The following FMN1 variants were observed in gnomAD, a reference collection of about 807,000 sequenced individuals.
FMN1 encodes the protein formin-1.
Under a neutral mutation model 132.4 loss-of-function variants are expected in FMN1, and 110 were observed. That is an observed-to-expected ratio of 0.83 (90% CI 0.71 to 0.97). The LOEUF is 0.97. Among genes scored for constraint, FMN1 ranks in the 50% least tolerant of loss-of-function variants. The probability of loss-of-function intolerance (pLI) is 0.00; values close to 1 mark genes in which losing one functional copy is unlikely to be tolerated. For missense variants in FMN1, 1,792 were observed against 1,705.3 expected, an observed-to-expected ratio of 1.05 and a Z score of -0.90; for synonymous variants, 722 against 651.7, an observed-to-expected ratio of 1.11 and a Z score of -1.64.
chr15:33,059,996 A>G (rs766121952), intron 6 of FMN1, among the ~76,000 whole-genome samples: 10 of 152,222 alleles, frequency 6.6e-5, no homozygotes, highest in Non-Finnish European at 1.5e-4. Flanking sequence ...ACATATACTA[A>G]GTGGAAGCTT....
rs2060151629 is a variant in FMN1 at position 32,896,228 on chromosome 15, TTTAA to T, written c.3714+2602_3714+2605del. 2.0e-5 allele frequency among the ~76,000 whole-genome samples: 3 copies of T among 152,136 alleles called. No homozygotes were observed. The South Asian group carries it at 6.2e-4, about 32-fold the overall frequency. The stretch of plus-strand genomic sequence containing the variant: ...TGATGTTAGTCTATCATTCTACACT[TTTAA>T]TTATTATAGCTCTATAATATATTAG... On this transcript the variant is annotated intron_variant, in intron 15 of 20. Transcript: ENST00000616417.
chr15:33,133,187 C>G (rs1476613703), intron 4 of FMN1, among the ~76,000 whole-genome samples: 4 of 152,142 alleles, frequency 2.6e-5, no homozygotes, highest in African/African-American at 4.8e-5. Flanking sequence ...TCATGGGGAT[C>G]TTTAGGTTAT....
At chr15:33,110,863 T>A (rs1045873613) in intron 4 of FMN1, among the ~76,000 whole-genome samples, 1 of 152,118 alleles carries the variant, frequency 6.6e-6, no homozygotes, top group African/African-American at 2.4e-5. Flanking sequence ...TAAAACAATT[T>A]TTAATGTCTT....
intron 4 of FMN1, among the ~76,000 whole-genome samples, chr15:33,142,047 A>G (rs1319724546): frequency 3.3e-5 from 5 of 152,208 alleles, no homozygotes; most frequent in Non-Finnish European, 7.3e-5. Flanking sequence ...TAATTTTCAG[A>G]TATGTTTCCA....
chr15:33,091,661 G>T (rs911159938), intron 4 of FMN1, among the ~76,000 whole-genome samples: 2 of 152,084 alleles, frequency 1.3e-5, no homozygotes, highest in East Asian at 3.9e-4. Flanking sequence ...ACATTCTGAC[G>T]ACCACAATGT....
At position 32,774,392 on chromosome 15, in the gene FMN1, C is replaced by T. The variant is rs558202904; in HGVS notation, c.4216-38G>A. On this transcript the variant is annotated intron_variant, in intron 20 of 20. Coordinates refer to ENST00000616417, the MANE Select transcript of FMN1 (RefSeq NM_001277313.2). ...AAAAAATGAATGTATCATTTTCTTT[C>T]ATCTTTCTCAAGTTTTGATACATTT... 39 of 1,516,794 alleles carry T rather than the reference C, an allele frequency of 2.6e-5. No individual in the cohort carries two copies. In the East Asian group the frequency reaches 5.4e-4, roughly 21 times the overall value. 94.0% of individuals were successfully genotyped at this position (1,516,794 alleles called of 1,614,324 possible). A position where few individuals can be genotyped will look rare whatever the true frequency, so the allele number is the denominator to read the frequency against.
intron 10 of FMN1, among the ~76,000 whole-genome samples, chr15:32,920,845 C>T (rs986657223): frequency 3.9e-5 from 6 of 152,226 alleles, no homozygotes; most frequent in Non-Finnish European, 2.9e-5. Context: ...TACGTGGTCT[C>T]TTCTCTACAT....
At position 32,772,018 on chromosome 15, in the gene FMN1, G is replaced by A. The variant is rs952306294; in HGVS notation, c.*2292C>T. ...TCTTACAACACTAACATCATACATC[G>A]ACTAGTGTGACAAAACCACTAGGTT... On this transcript the variant is annotated 3_prime_UTR_variant, in exon 21 of 21. Transcript: ENST00000616417. The A allele has an allele frequency of 6.6e-6, 1 of 152,094 alleles. No homozygotes were observed. Among genetic ancestry groups the A allele is most frequent in the Non-Finnish European group, 1.5e-5 (1 of 68,030 alleles). The allele number at this position is 152,094 out of a possible 1,614,324, so 9.4% of individuals were successfully genotyped here.
chr15:32,777,365 A>C (rs1471008597), intron 19 of FMN1, among the ~76,000 whole-genome samples: 1 of 151,574 alleles, frequency 6.6e-6, no homozygotes, highest in Non-Finnish European at 1.5e-5. Flanking sequence ...AATGGGAAAA[A>C]AGATAACCTA....
chr15:33,181,430 T>C (rs756617733), intron 2 of FMN1, among the ~76,000 whole-genome samples: 1 of 152,160 alleles, frequency 6.6e-6, no homozygotes, highest in African/African-American at 2.4e-5. Context: ...GCCCACCATA[T>C]ACTCTTGACA....
intron 5 of FMN1, among the ~76,000 whole-genome samples, chr15:33,077,760 A>G (rs1356774201): frequency 6.7e-6 from 1 of 149,984 alleles, no homozygotes; most frequent in Admixed American, 6.8e-5. Context: ...AAGGGCTAAT[A>G]TCCAGAATCT....
At chr15:33,033,155 C>T (rs906783696) in intron 6 of FMN1, among the ~76,000 whole-genome samples, 5 of 152,084 alleles carry the variant, frequency 3.3e-5, no homozygotes, top group African/African-American at 1.2e-4. Flanking sequence ...CTCAGCCTCC[C>T]GAGTAGCTGG....
At chr15:33,076,957 A>G (rs1173875282) in intron 5 of FMN1, among the ~76,000 whole-genome samples, 1 of 152,230 alleles carries the variant, frequency 6.6e-6, no homozygotes, top group Non-Finnish European at 1.5e-5. Flanking sequence ...AGACATTTAA[A>G]AAGAAAACTG....
chr15:32,996,912 A>C (rs2033805160), intron 7 of FMN1, among the ~76,000 whole-genome samples: 1 of 152,152 alleles, frequency 6.6e-6, no homozygotes. Flanking sequence ...GTTGGGTATC[A>C]GGGACTATAC....
chr15:32,931,418 T>C (rs1302554028), intron 9 of FMN1, among the ~76,000 whole-genome samples: 1 of 152,250 alleles, frequency 6.6e-6, no homozygotes, highest in South Asian at 2.1e-4. Context: ...TTTTACCCTC[T>C]TCAGTTTATT....
At chr15:32,887,610 T>A (rs1480492987) in intron 16 of FMN1, among the ~76,000 whole-genome samples, 1 of 152,232 alleles carries the variant, frequency 6.6e-6, no homozygotes, top group Non-Finnish European at 1.5e-5. Flanking sequence ...GGAACATGTG[T>A]GTATGTGTAC....
chr15:33,024,089 A>G (rs2035550649), intron 6 of FMN1, among the ~76,000 whole-genome samples: 2 of 152,172 alleles, frequency 1.3e-5, no homozygotes, highest in Non-Finnish European at 2.9e-5. Flanking sequence ...AAAATGAACA[A>G]AAGGACAGTA....
At chr15:32,789,201 G>A (rs896332226) in intron 19 of FMN1, among the ~76,000 whole-genome samples, 2 of 152,072 alleles carry the variant, frequency 1.3e-5, no homozygotes, top group African/African-American at 2.4e-5. Context: ...TCTTCTAGGG[G>A]CCTATGATTT....
At chr15:32,935,461 C>T (rs1323549457) in intron 9 of FMN1, among the ~76,000 whole-genome samples, 2 of 152,034 alleles carry the variant, frequency 1.3e-5, no homozygotes, top group African/African-American at 2.4e-5. Context: ...TTCTTGTAAT[C>T]GGGATCCATC....
Sources: gnomAD v4.1 joint callset for allele counts (sites outside exome capture counted in the v4.1 genomes callset) on GRCh38, gnomAD v4.1.1 for gene constraint, MANE v1.5 for transcripts, NCBI Gene and HGNC (gene_info 2026-07-23, HGNC 2026-07-21) for gene names.